The following ARID4B variants were observed in gnomAD, a reference collection of about 807,000 sequenced individuals.
ARID4B encodes AT-rich interactive domain-containing protein 4B.
ARID4B carries 26 observed loss-of-function variants against 147.5 expected under a neutral mutation model. The observed-to-expected ratio is 0.18, with a 90% CI of 0.13 to 0.24. The LOEUF is 0.24. Among genes scored for constraint, ARID4B ranks in the 10% least tolerant of loss-of-function variants. The pLI, the probability that ARID4B is intolerant of heterozygous loss-of-function variation, is 1.00. For missense variants in ARID4B, 1,179 were observed against 1,511.5 expected, an observed-to-expected ratio of 0.78 and a Z score of 3.65; for synonymous variants, 512 against 507.9, an observed-to-expected ratio of 1.01 and a Z score of -0.11.
rs529498181 is a variant in ARID4B, at chr1:235,246,248, A to C, written c.446+172T>G. ...TACAGCTGTTAAGTAAGGTTGGCTGAGCATGGAGAACCTCAATCACCCATG... is the reference window on the plus strand; with the variant it reads ...TACAGCTGTTAAGTAAGGTTGGCTGCGCATGGAGAACCTCAATCACCCATG... On this transcript the variant is annotated intron_variant, in intron 7 of 23. Transcript: ENST00000264183. 2.9e-4 allele frequency among the ~76,000 whole-genome samples: 44 copies of C among 152,352 alleles called. 1 individual carries two copies. The highest frequency in any genetic ancestry group is 1.1e-3 in the African/African-American group (44 of 41,580).
In ARID4B at chr1:235,227,194, C is replaced by T. The variant is rs567909515; in HGVS notation, c.897+2037G>A. ...CAGCAACATATGTAATTTGACATTG[C>T]TATAGCATAAAGTTCAAGGGGGAGG... On this transcript the variant is annotated intron_variant, in intron 11 of 23. Coordinates refer to ENST00000264183, the MANE Select transcript of ARID4B (RefSeq NM_016374.6). Among the ~76,000 whole-genome samples the T allele has an allele frequency of 1.3e-3, 196 of 152,054 alleles. 1 individual carries two copies. The highest frequency in any genetic ancestry group is 4.6e-3 in the African/African-American group (191 of 41,454).
chr1:235,219,328 C>T (rs1015740658), intron 16 of ARID4B, among the ~76,000 whole-genome samples: 1 of 152,164 alleles, frequency 6.6e-6, no homozygotes, highest in Non-Finnish European at 1.5e-5. Flanking sequence ...AATAATTCAT[C>T]ATTCCAAGTG....
intron 19 of ARID4B, among the ~76,000 whole-genome samples, chr1:235,186,603 C>T (rs1000282879): frequency 1.3e-5 from 2 of 151,920 alleles, no homozygotes; most frequent in Admixed American, 6.6e-5. Flanking sequence ...GGGTTTCACC[C>T]TATTGGTCAG....
At position 235,231,209 on chromosome 1, in the gene ARID4B, A is replaced by G. The variant is rs1251616483; in HGVS notation, c.666-20T>C. 6 of 1,416,604 alleles carry G rather than the reference A, an allele frequency of 4.2e-6. No individual in the cohort carries two copies. The highest frequency in any genetic ancestry group is 4.0e-5 in the South Asian group (3 of 74,802). 87.8% of individuals were successfully genotyped at this position (1,416,604 alleles called of 1,614,324 possible). On this transcript the variant is annotated intron_variant, in intron 9 of 23. Transcript: ENST00000264183. Reference sequence around the variant, plus strand: ...GAAGTACTATATATTTTTTTTAATTATAAGAGAAGAAAAAAAACCCAAAAT... The same window carrying G: ...GAAGTACTATATATTTTTTTTAATTGTAAGAGAAGAAAAAAAACCCAAAAT...
At chr1:235,280,590 G>A (rs1206667372) in intron 2 of ARID4B, among the ~76,000 whole-genome samples, 3 of 152,254 alleles carry the variant, frequency 2.0e-5, no homozygotes, top group African/African-American at 7.2e-5. Flanking sequence ...AGCTTCAGGT[G>A]GGCAGGTGGC....
At chr1:235,205,062 T>C (rs778609220) in intron 17 of ARID4B, among the ~76,000 whole-genome samples, 8 of 152,204 alleles carry the variant, frequency 5.3e-5, no homozygotes, top group Non-Finnish European at 1.0e-4. Context: ...TTCTGTACTA[T>C]AGAAACAACG....
At chr1:235,282,849 C>T (rs1229024787) in intron 2 of ARID4B, among the ~76,000 whole-genome samples, 1 of 152,126 alleles carries the variant, frequency 6.6e-6, no homozygotes, top group Non-Finnish European at 1.5e-5. Flanking sequence ...GGCACGATCT[C>T]GGCTCACTGC....
intron 14 of ARID4B, 38 bp from the exon 15 acceptor site, chr1:235,220,583 T>C (rs201324647): frequency 1.4e-6 from 2 of 1,465,060 alleles, no homozygotes; most frequent in Non-Finnish European, 1.8e-6. Flanking sequence ...GGTGAAAACA[T>C]TTCAAAATAT....
At chr1:235,298,043 G>A (rs1672864839) in intron 2 of ARID4B, among the ~76,000 whole-genome samples, 2 of 152,192 alleles carry the variant, frequency 1.3e-5, no homozygotes, top group South Asian at 2.1e-4. Context: ...TGTGACAATG[G>A]TATGACAGTT....
intron 2 of ARID4B, among the ~76,000 whole-genome samples, chr1:235,283,182 C>A (rs1467092684): frequency 6.6e-6 from 1 of 152,096 alleles, no homozygotes; most frequent in Admixed American, 6.6e-5. Context: ...AGTATTATTA[C>A]CCACTGGTAT....
intron 2 of ARID4B, among the ~76,000 whole-genome samples, chr1:235,321,432 G>A (rs901721002): frequency 2.0e-5 from 3 of 152,062 alleles, no homozygotes; most frequent in Admixed American, 6.6e-5. Context: ...TGCTTCAAAT[G>A]ACAGTAACAT....
rs1441992828 is a variant in ARID4B at position 235,283,054 on chromosome 1, G to A, written c.7-22302C>T. Among the ~76,000 whole-genome samples, 3 of 152,200 alleles carry A rather than the reference G, an allele frequency of 2.0e-5. No homozygotes were observed. The East Asian group carries it at 5.8e-4, about 29-fold the overall frequency. On this transcript the variant is annotated intron_variant, in intron 2 of 23. Coordinates refer to ENST00000264183, the MANE Select transcript of ARID4B (RefSeq NM_016374.6). ...GCCTCCCAAAGTGCTGGGATTACAG[G>A]CGTGAGCCACCGCACCTGGCCGATA...
At chr1:235,169,687 G>T (rs1158001969) in intron 23 of ARID4B, among the ~76,000 whole-genome samples, 1 of 151,072 alleles carries the variant, frequency 6.6e-6, no homozygotes, top group African/African-American at 2.4e-5. Flanking sequence ...TTGAGATGGG[G>T]GTCTTGCTCT....
intron 2 of ARID4B, among the ~76,000 whole-genome samples, chr1:235,267,598 C>T (rs982696188): frequency 2.0e-5 from 3 of 151,894 alleles, no homozygotes; most frequent in African/African-American, 7.3e-5. Context: ...TCTGGGAGGC[C>T]GAGGCGGGTG....
chr1:235,217,575 G>C (rs568870168), intron 16 of ARID4B, among the ~76,000 whole-genome samples: 1 of 152,124 alleles, frequency 6.6e-6, no homozygotes, highest in East Asian at 1.9e-4. Flanking sequence ...TTCCCTACTT[G>C]ATATTACACT....
intron 7 of ARID4B, among the ~76,000 whole-genome samples, chr1:235,241,442 G>A (rs1225353113): frequency 6.6e-6 from 1 of 152,074 alleles, no homozygotes; most frequent in Non-Finnish European, 1.5e-5. Flanking sequence ...TGTCTTTGAT[G>A]CCTTTCCAAA....
At chr1:235,292,994 T>C (rs995654273) in intron 2 of ARID4B, among the ~76,000 whole-genome samples, 1 of 152,190 alleles carries the variant, frequency 6.6e-6, no homozygotes, top group Non-Finnish European at 1.5e-5. Flanking sequence ...CCACAATACA[T>C]TCCTCATTCC....
chr1:235,315,080 A>T (rs1261075177), intron 2 of ARID4B, among the ~76,000 whole-genome samples: 1 of 150,296 alleles, frequency 6.7e-6, no homozygotes, highest in African/African-American at 2.5e-5. Flanking sequence ...TTTATCTATA[A>T]ACTAGAGAAA....
intron 2 of ARID4B, among the ~76,000 whole-genome samples, chr1:235,261,704 AAT>A (rs1193594984): frequency 6.6e-6 from 1 of 152,182 alleles, no homozygotes. Context: ...TACCTTAACT[AAT>A]ATTTATGTTT....
Sources: gnomAD v4.1 joint callset for allele counts (sites outside exome capture counted in the v4.1 genomes callset) on GRCh38, gnomAD v4.1.1 for gene constraint, MANE v1.5 for transcripts, NCBI Gene and HGNC (gene_info 2026-07-23, HGNC 2026-07-21) for gene names.